The following SLC4A10 variants were observed in gnomAD, a reference collection of about 807,000 sequenced individuals.
SLC4A10 encodes the protein sodium-driven chloride bicarbonate exchanger.
In SLC4A10, 42 loss-of-function variants were observed where a neutral mutation model predicts 137.7. That is an observed-to-expected ratio of 0.30 (90% confidence interval 0.24 to 0.39). The LOEUF is 0.39. Among genes scored for constraint, SLC4A10 ranks in the 10% least tolerant of loss-of-function variants. The pLI is 1.00. For missense variants in SLC4A10, 925 were observed against 1,355.0 expected (o/e 0.68, Z 4.98); for synonymous variants, 474 against 464.1 (o/e 1.02, Z -0.27).
chr2:161,652,099 C>A (rs1264590065), intron 1 of SLC4A10, among the ~76,000 whole-genome samples: 1 of 152,172 alleles, frequency 6.6e-6, no homozygotes, highest in Non-Finnish European at 1.5e-5. Flanking sequence ...ATGCTTTACT[C>A]TTTAGAATCC....
At chr2:161,828,808 A>ATATG (rs1221709021) in intron 3 of SLC4A10, among the ~76,000 whole-genome samples, 4 of 122,530 alleles carry the variant, frequency 3.3e-5, no homozygotes, top group African/African-American at 9.3e-5. Flanking sequence ...ATATATATAT[A>ATATG]TGTATAATCT....
At chr2:161,822,005 T>C (rs2057666614) in intron 3 of SLC4A10, among the ~76,000 whole-genome samples, 1 of 152,224 alleles carries the variant, frequency 6.6e-6, no homozygotes, top group African/African-American at 2.4e-5. Flanking sequence ...GCTGCTATCA[T>C]TGTGTTTTAG....
chr2:161,773,446 A>G (rs1025408883), intron 2 of SLC4A10, among the ~76,000 whole-genome samples: 1 of 151,940 alleles, frequency 6.6e-6, no homozygotes. Context: ...GAGCTTCTTT[A>G]TTAAGGCAGC....
intron 3 of SLC4A10, among the ~76,000 whole-genome samples, chr2:161,831,449 A>G (rs902253485): frequency 1.3e-5 from 2 of 152,080 alleles, no homozygotes; most frequent in Non-Finnish European, 2.9e-5. Context: ...TTTTATGACT[A>G]AGGCTTCCTC....
At chr2:161,721,438 T>G (rs2045660398) in intron 1 of SLC4A10, among the ~76,000 whole-genome samples, 1 of 152,208 alleles carries the variant, frequency 6.6e-6, no homozygotes, top group South Asian at 2.1e-4. Flanking sequence ...TCTCCTTCAC[T>G]TATGAAGCGT....
intron 1 of SLC4A10, among the ~76,000 whole-genome samples, chr2:161,727,307 C>G (rs1291419111): frequency 1.3e-5 from 2 of 152,146 alleles, no homozygotes; most frequent in African/African-American, 4.8e-5. Context: ...AGTGTTCCCC[C>G]CAAAAAACAA....
At chr2:161,763,879 G>A (rs1394826521) in intron 1 of SLC4A10, among the ~76,000 whole-genome samples, 1 of 152,072 alleles carries the variant, frequency 6.6e-6, no homozygotes, top group Non-Finnish European at 1.5e-5. Flanking sequence ...AGGCAGAAAT[G>A]GTGGTTGCTT....
intron 1 of SLC4A10, among the ~76,000 whole-genome samples, chr2:161,692,577 T>C (rs1221778475): frequency 6.6e-6 from 1 of 152,068 alleles, no homozygotes; most frequent in Non-Finnish European, 1.5e-5. Context: ...AATAAAGTCA[T>C]TTTGAGTGTT....
In SLC4A10 at chr2:161,652,760, A is replaced by G. The variant is rs902773095; in HGVS notation, c.48+28194A>G. Among the ~76,000 whole-genome samples, 15 of 144,116 alleles carry G rather than the reference A, an allele frequency of 1.0e-4. No homozygotes were observed. In the South Asian group the frequency reaches 1.4e-3, roughly 13 times the overall value. 94.5% of individuals were successfully genotyped at this position (144,116 alleles called of 152,430 possible). A position where few individuals can be genotyped will look rare whatever the true frequency, so the allele number is the denominator to read the frequency against. The stretch of plus-strand genomic sequence containing the variant: ...ATCAGCAACTTTCCATTTCCCCTTT[A>G]CCCTGGCCCTTGAAAACCACCGTTT... On this transcript the variant is annotated intron_variant, in intron 1 of 26. Coordinates refer to ENST00000446997, the MANE Select transcript of SLC4A10 (RefSeq NM_001178015.2).
intron 15 of SLC4A10, among the ~76,000 whole-genome samples, chr2:161,932,740 A>G (rs945972800): frequency 1.3e-5 from 2 of 152,170 alleles, no homozygotes; most frequent in Non-Finnish European, 2.9e-5. Flanking sequence ...TTCTACCACA[A>G]TCTTTACTAC....
At chr2:161,708,784 C>T in intron 1 of SLC4A10, 16 of 1,532,744 alleles carry the variant, frequency 1.0e-5, no homozygotes, top group Non-Finnish European at 1.4e-5. Flanking sequence ...ATAGAAAGGT[C>T]ATGCAGTCTG....
intron 1 of SLC4A10, among the ~76,000 whole-genome samples, chr2:161,717,574 G>C (rs957944789): frequency 6.6e-6 from 1 of 152,072 alleles, no homozygotes. Context: ...CTTTAGTTCT[G>C]TTCATGTGGT....
At chr2:161,766,821 A>G (rs944732033) in intron 1 of SLC4A10, among the ~76,000 whole-genome samples, 1 of 150,810 alleles carries the variant, frequency 6.6e-6, no homozygotes, top group African/African-American at 2.4e-5. Context: ...ATCCTGTTTT[A>G]TTTTCATTTT....
chr2:161,754,405 T>G (rs2049353516), intron 1 of SLC4A10, among the ~76,000 whole-genome samples: 1 of 152,176 alleles, frequency 6.6e-6, no homozygotes, highest in Non-Finnish European at 1.5e-5. Context: ...CAAAATTAAT[T>G]TTTTTGGGCT....
intron 3 of SLC4A10, among the ~76,000 whole-genome samples, chr2:161,805,434 T>C (rs1235308598): frequency 1.3e-5 from 2 of 152,102 alleles, no homozygotes; most frequent in Admixed American, 6.5e-5. Context: ...AATTCAAAAG[T>C]CTATAGTCCA....
chr2:161,980,415 G>C (rs554493793), intron 26 of SLC4A10, among the ~76,000 whole-genome samples: 3 of 152,166 alleles, frequency 2.0e-5, no homozygotes, highest in Non-Finnish European at 2.9e-5. Context: ...TTGGGAGGCC[G>C]AGGCGAGCAG....
At chr2:161,682,818 A>G (rs1457908369) in intron 1 of SLC4A10, among the ~76,000 whole-genome samples, 1 of 152,044 alleles carries the variant, frequency 6.6e-6, no homozygotes, top group Non-Finnish European at 1.5e-5. Context: ...TGTAGGGTGG[A>G]CAGATCTTTT....
chr2:161,846,134 A>T (rs2125819455), intron 4 of SLC4A10, among the ~76,000 whole-genome samples: 1 of 152,276 alleles, frequency 6.6e-6, no homozygotes, highest in South Asian at 2.1e-4. Flanking sequence ...ACAGTATGAA[A>T]ATAAATCAAC....
intron 9 of SLC4A10, among the ~76,000 whole-genome samples, chr2:161,881,225 A>G (rs2061755582): frequency 6.6e-6 from 1 of 152,028 alleles, no homozygotes; most frequent in Non-Finnish European, 1.5e-5. Context: ...AATCTTTTAG[A>G]TCTTTAAAAA....
Sources: allele counts gnomAD v4.1 joint callset (sites outside exome capture counted in the v4.1 genomes callset), GRCh38; gene constraint gnomAD v4.1.1; transcripts MANE v1.5; gene names NCBI Gene and HGNC (gene_info 2026-07-23, HGNC 2026-07-21).